The following BACH2 variants were observed in gnomAD, a reference collection of about 807,000 sequenced individuals.
BACH2 encodes transcription regulator protein BACH2.
BACH2 carries 5 observed loss-of-function variants against 61.8 expected under a neutral mutation model. The observed-to-expected ratio is 0.08, with a 90% CI of 0.04 to 0.17. The LOEUF is 0.17. Among genes scored for constraint, BACH2 ranks in the 10% least tolerant of loss-of-function variants. BACH2 has a pLI of 1.00. For missense variants in BACH2, 824 were observed against 1,091.1 expected, an observed-to-expected ratio of 0.76 and a Z score of 3.45; for synonymous variants, 446 against 440.1, an observed-to-expected ratio of 1.01 and a Z score of -0.17.
chr6:90,118,670 A>G (rs1484855819), intron 4 of BACH2, among the ~76,000 whole-genome samples: 1 of 152,222 alleles, frequency 6.6e-6, no homozygotes, highest in Non-Finnish European at 1.5e-5. Context: ...AGTCATGGAA[A>G]GACCAAGATG....
intron 4 of BACH2, among the ~76,000 whole-genome samples, chr6:90,146,193 C>A (rs1247707154): frequency 6.6e-6 from 1 of 152,160 alleles, no homozygotes; most frequent in Non-Finnish European, 1.5e-5. Flanking sequence ...CCACGTGTGA[C>A]CAAAGATGAC....
At chr6:89,999,878 T>A (rs534098004) in intron 6 of BACH2, among the ~76,000 whole-genome samples, 2 of 152,344 alleles carry the variant, frequency 1.3e-5, no homozygotes, top group South Asian at 4.1e-4. Context: ...TCATCCTACA[T>A]CAGATAGGGA....
chr6:90,025,149 G>A (rs1410847257), intron 5 of BACH2, among the ~76,000 whole-genome samples: 1 of 152,198 alleles, frequency 6.6e-6, no homozygotes, highest in Non-Finnish European at 1.5e-5. Flanking sequence ...CCATCCAAGG[G>A]GCATGATTAC....
chr6:90,122,012 T>C (rs1321965681), intron 4 of BACH2, among the ~76,000 whole-genome samples: 1 of 152,206 alleles, frequency 6.6e-6, no homozygotes, highest in Non-Finnish European at 1.5e-5. Context: ...CCCTTCCAAG[T>C]AAGAAAGGCT....
chr6:90,071,915 G>A (rs1001310539), intron 5 of BACH2, among the ~76,000 whole-genome samples: 1 of 152,128 alleles, frequency 6.6e-6, no homozygotes, highest in Non-Finnish European at 1.5e-5. Context: ...ATCATAAAGG[G>A]CTTCATCCTC....
chr6:90,052,317 G>A (rs1400322501), intron 5 of BACH2, among the ~76,000 whole-genome samples: 1 of 152,110 alleles, frequency 6.6e-6, no homozygotes, highest in Non-Finnish European at 1.5e-5. Flanking sequence ...ATGTTTTGAT[G>A]CAATATAGAA....
intron 5 of BACH2, among the ~76,000 whole-genome samples, chr6:90,064,435 C>G (rs1780839729): frequency 6.6e-6 from 1 of 152,134 alleles, no homozygotes; most frequent in Admixed American, 6.5e-5. Context: ...GCGGTCCAGA[C>G]AAGAAGGAGC....
intron 4 of BACH2, among the ~76,000 whole-genome samples, chr6:90,145,978 A>G (rs1384544347): frequency 6.6e-6 from 1 of 152,258 alleles, no homozygotes; most frequent in Non-Finnish European, 1.5e-5. Context: ...TGTGTAACCA[A>G]TAACACATTA....
intron 4 of BACH2, among the ~76,000 whole-genome samples, chr6:90,090,237 C>T (rs557742338): frequency 1.1e-4 from 16 of 151,878 alleles, no homozygotes; most frequent in Admixed American, 8.5e-4. Flanking sequence ...TATTTATTTC[C>T]CTCATTTTTG....
At chr6:90,189,943 T>C (rs528326438) in intron 4 of BACH2, among the ~76,000 whole-genome samples, 349 of 150,312 alleles carry the variant, frequency 2.3e-3, no homozygotes, top group African/African-American at 8.0e-3. Flanking sequence ...GTCTATTAAC[T>C]CTGAGCATTT....
Position 90,121,537 on chromosome 6 carries a change from T to C in BACH2, c.-161-32428A>G, listed in dbSNP as rs1783625184. ...GGAGCAAAAAGCCTTTGCATTTTAT[T>C]AATTAATTAATTAATTTATTTTGAG... On this transcript the variant is annotated intron_variant, in intron 4 of 8. Coordinates refer to ENST00000257749, the MANE Select transcript of BACH2 (RefSeq NM_021813.4). Among the ~76,000 whole-genome samples, 3 of 152,180 alleles carry C rather than the reference T, an allele frequency of 2.0e-5. 1 individual carries two copies. The South Asian group carries it at 6.2e-4, about 31-fold the overall frequency.
intron 2 of BACH2, among the ~76,000 whole-genome samples, chr6:90,270,478 C>G (rs1285061063): frequency 2.6e-5 from 4 of 152,106 alleles, no homozygotes; most frequent in African/African-American, 9.7e-5. Context: ...TTTACAACAG[C>G]TGCTAAATAA....
At chr6:90,105,950 C>A (rs1315745037) in intron 4 of BACH2, among the ~76,000 whole-genome samples, 2 of 152,182 alleles carry the variant, frequency 1.3e-5, no homozygotes, top group Admixed American at 6.5e-5. Context: ...GAGCCTCTTG[C>A]ATCAACTTTG....
At chr6:90,029,818 C>T (rs552437723) in intron 5 of BACH2, among the ~76,000 whole-genome samples, 1 of 152,162 alleles carries the variant, frequency 6.6e-6, no homozygotes, top group Non-Finnish European at 1.5e-5. Context: ...CCTTGCCTAT[C>T]CATTTATCCA....
At chr6:89,969,139 C>T (rs1332868113) in intron 6 of BACH2, among the ~76,000 whole-genome samples, 4 of 150,200 alleles carry the variant, frequency 2.7e-5, no homozygotes, top group East Asian at 2.0e-4. Flanking sequence ...CCGCAACCTC[C>T]GCCTCCTGGG....
intron 6 of BACH2, among the ~76,000 whole-genome samples, chr6:89,979,838 T>C (rs1240517094): frequency 6.6e-5 from 10 of 152,228 alleles, no homozygotes. Context: ...TGAAATGTAA[T>C]TTATCCAAAC....
At chr6:90,128,772 T>C (rs527286661) in intron 4 of BACH2, among the ~76,000 whole-genome samples, 14 of 152,352 alleles carry the variant, frequency 9.2e-5, no homozygotes, top group South Asian at 2.1e-4. Flanking sequence ...CATATGTTTA[T>C]TGCAGTACTA....
chr6:89,986,197 C>T (rs548291038), intron 6 of BACH2, among the ~76,000 whole-genome samples: 2 of 149,018 alleles, frequency 1.3e-5, no homozygotes, highest in Admixed American at 6.7e-5. Flanking sequence ...TGGCTTTTTT[C>T]GGTATGTGTG....
rs560625096 is a variant in BACH2, at chr6:89,989,297, C to T, written c.243+19305G>A. Among the ~76,000 whole-genome samples, 4 of 152,322 alleles carry T rather than the reference C, an allele frequency of 2.6e-5. No individual in the cohort carries two copies. The South Asian group carries it at 8.3e-4, about 32-fold the overall frequency. ...AAAATCTATACCCATTAAACAACAA[C>T]TCTCCTTTTCCACCTCCTCACACCC... On this transcript the variant is annotated intron_variant, in intron 6 of 8. Coordinates refer to ENST00000257749, the MANE Select transcript of BACH2 (RefSeq NM_021813.4).
Sources: gnomAD v4.1 joint callset for allele counts (sites outside exome capture counted in the v4.1 genomes callset) on GRCh38, gnomAD v4.1.1 for gene constraint, MANE v1.5 for transcripts, NCBI Gene and HGNC (gene_info 2026-07-23, HGNC 2026-07-21) for gene names.